Variants in NKAIN3 observed in about 807,000 individuals in gnomAD.
NKAIN3 encodes the protein sodium/potassium transporting ATPase interacting 3.
A neutral mutation model predicts 30.2 loss-of-function variants in NKAIN3; 25 were observed. The ratio of observed to expected loss-of-function variants is 0.83; its 90% CI spans 0.60 to 1.16. The LOEUF (loss-of-function observed/expected upper bound fraction) is 1.16, where lower values mean the gene tolerates loss of function less well. Among genes scored for constraint, NKAIN3 ranks in the 50% most tolerant of loss-of-function variants. NKAIN3 has a pLI of 0.00. For synonymous variants in NKAIN3, 91 were observed against 89.6 expected (o/e 1.02, Z -0.09); for missense variants, 225 against 254.1 (o/e 0.89, Z 0.78).
At chr8:62,303,916 T>C (rs1376916891) in intron 1 of NKAIN3, among the ~76,000 whole-genome samples, 4 of 150,612 alleles carry the variant, frequency 2.7e-5, no homozygotes, top group African/African-American at 1.0e-4. Context: ...TAAGGAAGTA[T>C]TTGATAATCT....
intron 4 of NKAIN3, among the ~76,000 whole-genome samples, chr8:62,823,815 C>T (rs1586238212): frequency 6.6e-6 from 1 of 152,130 alleles, no homozygotes; most frequent in South Asian, 2.1e-4. Flanking sequence ...CATTCAGGCT[C>T]AAGGTAGTGT....
chr8:62,455,925 C>T (rs1427984250), intron 1 of NKAIN3, among the ~76,000 whole-genome samples: 1 of 152,110 alleles, frequency 6.6e-6, no homozygotes, highest in Non-Finnish European at 1.5e-5. Flanking sequence ...AGTACTCAAC[C>T]CTGTGTATAC....
At chr8:62,511,916 G>A (rs1432008255) in intron 1 of NKAIN3, among the ~76,000 whole-genome samples, 1 of 152,118 alleles carries the variant, frequency 6.6e-6, no homozygotes, top group East Asian at 1.9e-4. Flanking sequence ...CATTATTTAT[G>A]ACCGTGGAAT....
At chr8:62,864,129 GACGCGAGCGCGGA>G in intron 4 of NKAIN3, 1 of 619,468 alleles carries the variant, frequency 1.6e-6, no homozygotes, top group Non-Finnish European at 2.9e-6. Flanking sequence ...AGGTGATGGC[GACGCGAGCGCGGA>G]AACCAGCCGG....
chr8:62,735,541 C>A (rs1330006605), intron 3 of NKAIN3, among the ~76,000 whole-genome samples: 1 of 151,928 alleles, frequency 6.6e-6, no homozygotes, highest in Non-Finnish European at 1.5e-5. Context: ...ATTTTTCTTT[C>A]ATATCCTGTA....
Position 62,966,107 on chromosome 8 carries a change from T to C in NKAIN3, c.*700T>C. On this transcript the variant is annotated 3_prime_UTR_variant, in exon 7 of 7. Transcript: ENST00000623646. ...GAACCCCTTTCCCCTTTGGAGGGAA[T>C]ATGGGTGTCTCTGAGGTCCATATTT... is the stretch of plus-strand genomic sequence containing the variant. 1 of 984,730 alleles carries C rather than the reference T, an allele frequency of 1.0e-6. No individual in the cohort carries two copies. Among genetic ancestry groups the C allele is most frequent in the Non-Finnish European group, 1.2e-6 (1 of 829,362 alleles). The allele number at this position is 984,730 out of a possible 1,614,324, so 61.0% of individuals were successfully genotyped here. A position where few individuals can be genotyped will look rare whatever the true frequency, so the allele number is the denominator to read the frequency against.
intron 1 of NKAIN3, among the ~76,000 whole-genome samples, chr8:62,448,848 C>A (rs1390528862): frequency 6.6e-6 from 1 of 151,900 alleles, no homozygotes; most frequent in Non-Finnish European, 1.5e-5. Flanking sequence ...TCTTAAGCAC[C>A]ATTTTAATCA....
rs375731637 is a variant in NKAIN3, at chr8:62,854,542, T to G, written c.472-63911T>G. ...CTCCTGCTTTCTTCTGTTCTCCATT[T>G]GCTCAGTAAATTTTCCTCTATCCCT... On this transcript the variant is annotated intron_variant, in intron 4 of 6. Coordinates refer to ENST00000623646, the MANE Select transcript of NKAIN3 (RefSeq NM_001304533.3). Among the ~76,000 whole-genome samples the G allele has an allele frequency of 2.5e-3, 375 of 152,356 alleles. 3 individuals carry two copies. The highest frequency in any genetic ancestry group is 6.8e-3 in the Middle Eastern group (2 of 294).
chr8:62,270,690 A>G (rs761226627), intron 1 of NKAIN3, among the ~76,000 whole-genome samples: 1 of 151,992 alleles, frequency 6.6e-6, no homozygotes, highest in Non-Finnish European at 1.5e-5. Context: ...TTGGCTTTAT[A>G]CTCTTTGACA....
chr8:62,579,027 A>G (rs534300769), intron 1 of NKAIN3, among the ~76,000 whole-genome samples: 9 of 152,200 alleles, frequency 5.9e-5, no homozygotes, highest in Admixed American at 2.0e-4. Context: ...CATATTTTAA[A>G]ACAATTAAAA....
At chr8:62,876,587 G>A (rs1820799606) in intron 4 of NKAIN3, among the ~76,000 whole-genome samples, 1 of 152,136 alleles carries the variant, frequency 6.6e-6, no homozygotes, top group Non-Finnish European at 1.5e-5. Flanking sequence ...TGATAGACTG[G>A]ATAAAGAAAA....
chr8:62,632,755 G>T (rs941693399), intron 3 of NKAIN3, among the ~76,000 whole-genome samples: 2 of 151,680 alleles, frequency 1.3e-5, no homozygotes, highest in African/African-American at 4.8e-5. Context: ...CACCCCCCTC[G>T]GCCTCCCAAA....
At chr8:62,570,627 C>A (rs1294553677) in intron 1 of NKAIN3, among the ~76,000 whole-genome samples, 3 of 152,064 alleles carry the variant, frequency 2.0e-5, no homozygotes, top group African/African-American at 7.2e-5. Context: ...GACTCGCCCC[C>A]GTGATTCAAT....
chr8:62,345,912 A>G (rs1261082252), intron 1 of NKAIN3, among the ~76,000 whole-genome samples: 3 of 152,092 alleles, frequency 2.0e-5, no homozygotes, highest in Non-Finnish European at 4.4e-5. Context: ...AAATCCTGTC[A>G]TTTGCGGCAA....
intron 4 of NKAIN3, chr8:62,855,970 G>C: frequency 2.9e-6 from 2 of 700,776 alleles, no homozygotes; most frequent in Admixed American, 4.1e-5. Flanking sequence ...GCACTAAACA[G>C]GGTTGAGCTC....
intron 1 of NKAIN3, among the ~76,000 whole-genome samples, chr8:62,300,269 C>A (rs1319826731): frequency 6.6e-6 from 1 of 151,954 alleles, no homozygotes; most frequent in South Asian, 2.1e-4. Flanking sequence ...TTTTTTAATT[C>A]AACGTAGGAA....
chr8:62,880,965 A>G (rs1247730635), intron 4 of NKAIN3, among the ~76,000 whole-genome samples: 1 of 152,166 alleles, frequency 6.6e-6, no homozygotes, highest in African/African-American at 2.4e-5. Flanking sequence ...AGTATCCCAT[A>G]CCAAGGGGTT....
chr8:62,591,290 GTCCAAA>G (rs1302013287), intron 3 of NKAIN3, among the ~76,000 whole-genome samples: 6 of 151,870 alleles, frequency 4.0e-5, no homozygotes, highest in Non-Finnish European at 5.9e-5. Flanking sequence ...TAAGTCTTGA[GTCCAAA>G]TCTGGTCTTC....
intron 3 of NKAIN3, among the ~76,000 whole-genome samples, chr8:62,730,856 A>T (rs1815441569): frequency 6.6e-6 from 1 of 152,164 alleles, no homozygotes; most frequent in African/African-American, 2.4e-5. Context: ...AACTATTAAC[A>T]ATTGAGATTT....
Sources: allele counts gnomAD v4.1 joint callset (sites outside exome capture counted in the v4.1 genomes callset), GRCh38; gene constraint gnomAD v4.1.1; transcripts MANE v1.5; gene names NCBI Gene and HGNC (gene_info 2026-07-23, HGNC 2026-07-21).